FNDC3A: variants seen among roughly 807,000 people sequenced by gnomAD.
FNDC3A encodes fibronectin type-III domain-containing protein 3A.
In FNDC3A, 32 loss-of-function variants were observed where a neutral mutation model predicts 148.9. The observed-to-expected ratio is 0.21, with a 90% CI of 0.16 to 0.29. The LOEUF (loss-of-function observed/expected upper bound fraction) is 0.29. FNDC3A is among the 10% of genes least tolerant of loss of function. The pLI is 1.00. For synonymous variants in FNDC3A, 472 were observed against 473.6 expected (o/e 1.00, Z 0.04); for missense variants, 1,191 against 1,452.8 (o/e 0.82, Z 2.93).
chr13:49,084,089 T>A (rs958800278), intron 3 of FNDC3A, among the ~76,000 whole-genome samples: 2 of 152,214 alleles, frequency 1.3e-5, no homozygotes, highest in Non-Finnish European at 2.9e-5. Flanking sequence ...ACTAGTTAAT[T>A]TATTAATACC....
intron 1 of FNDC3A, among the ~76,000 whole-genome samples, chr13:48,997,105 T>G (rs769474032): frequency 6.6e-6 from 1 of 151,696 alleles, no homozygotes; most frequent in Non-Finnish European, 1.5e-5. Context: ...TCAATCTAAA[T>G]GTACATATTT....
chr13:49,185,448 C>A (rs1048519518), intron 14 of FNDC3A, among the ~76,000 whole-genome samples: 3 of 152,080 alleles, frequency 2.0e-5, no homozygotes, highest in Admixed American at 6.6e-5. Flanking sequence ...CTCCAGGAAC[C>A]CTCAGTTCCT....
intron 14 of FNDC3A, among the ~76,000 whole-genome samples, chr13:49,179,944 C>T (rs547112460): frequency 4.6e-5 from 7 of 152,178 alleles, no homozygotes; most frequent in Non-Finnish European, 5.9e-5. Context: ...GGTTTTACTG[C>T]TCCTGAGCAC....
chr13:49,193,851 C>T (rs1311102934), intron 19 of FNDC3A, among the ~76,000 whole-genome samples: 3 of 151,644 alleles, frequency 2.0e-5, no homozygotes, highest in African/African-American at 4.8e-5. Flanking sequence ...ACCTGGGAGG[C>T]GGAGGTTACA....
chr13:49,105,084 A>AT (rs1208511169), intron 3 of FNDC3A, among the ~76,000 whole-genome samples: 1 of 152,178 alleles, frequency 6.6e-6, no homozygotes, highest in Non-Finnish European at 1.5e-5. Flanking sequence ...TTCCCAATCT[A>AT]TTTTTTAAAA....
chr13:49,139,476 TG>T (rs1199661715), intron 7 of FNDC3A, among the ~76,000 whole-genome samples: 2 of 152,202 alleles, frequency 1.3e-5, no homozygotes, highest in East Asian at 3.8e-4. Flanking sequence ...TTTGTTTTTC[TG>T]AGAAAACAGA....
intron 2 of FNDC3A, among the ~76,000 whole-genome samples, chr13:49,066,433 T>A (rs1335028463): frequency 6.6e-6 from 1 of 152,174 alleles, no homozygotes; most frequent in Non-Finnish European, 1.5e-5. Context: ...AAGAAACACT[T>A]ATTGAAGATA....
intron 3 of FNDC3A, among the ~76,000 whole-genome samples, chr13:49,084,954 G>C (rs1878710783): frequency 6.6e-6 from 1 of 152,086 alleles, no homozygotes; most frequent in Admixed American, 6.6e-5. Context: ...TCCTCTATCT[G>C]ACTTTTCTTT....
At chr13:49,163,795 A>G (rs1187894824) in intron 8 of FNDC3A, among the ~76,000 whole-genome samples, 2 of 152,118 alleles carry the variant, frequency 1.3e-5, no homozygotes, top group Admixed American at 6.5e-5. Flanking sequence ...AGTTTAATCC[A>G]TTTATCTTAA....
intron 16 of FNDC3A, 124 bp from the exon 17 acceptor site, chr13:49,188,391 T>C: frequency 3.0e-6 from 2 of 662,760 alleles, no homozygotes; most frequent in Non-Finnish European, 5.4e-6. Context: ...GAAACAAACC[T>C]AAATTGTTTC....
intron 6 of FNDC3A, among the ~76,000 whole-genome samples, chr13:49,136,856 A>G (rs895080303): frequency 6.6e-6 from 1 of 152,020 alleles, no homozygotes; most frequent in African/African-American, 2.4e-5. Flanking sequence ...TGGGCGTTTG[A>G]TAAGGCTATG....
At chr13:49,164,611 CT>C (rs894690567) in intron 8 of FNDC3A, among the ~76,000 whole-genome samples, 62 of 146,904 alleles carry the variant, frequency 4.2e-4, no homozygotes, top group Middle Eastern at 3.5e-3. Context: ...TATTCTTCTT[CT>C]TTTTTTTTTT....
At chr13:49,119,989 A>G (rs1727012447) in intron 4 of FNDC3A, among the ~76,000 whole-genome samples, 1 of 152,190 alleles carries the variant, frequency 6.6e-6, no homozygotes, top group Non-Finnish European at 1.5e-5. Context: ...AATACAGAGA[A>G]AACCACTAAG....
chr13:49,066,215 A>T (rs971214677), intron 2 of FNDC3A, among the ~76,000 whole-genome samples: 1 of 152,216 alleles, frequency 6.6e-6, no homozygotes, highest in Non-Finnish European at 1.5e-5. Flanking sequence ...TTATTAAAAT[A>T]GTCATTTGGA....
At chr13:49,188,668 T>C (rs536569544) in intron 17 of FNDC3A, 35 bp downstream of exon 17, 9 of 1,455,584 alleles carry the variant, frequency 6.2e-6, no homozygotes, top group Admixed American at 5.1e-5. Context: ...TGTGTTGTTA[T>C]TAAGTTTGGC....
intron 2 of FNDC3A, among the ~76,000 whole-genome samples, chr13:49,068,449 T>G (rs1877417842): frequency 6.6e-6 from 1 of 152,024 alleles, no homozygotes; most frequent in Non-Finnish European, 1.5e-5. Context: ...GCAGAAAATC[T>G]AATAGTGGTG....
chr13:48,995,342 A>G (rs2137575396), intron 1 of FNDC3A, among the ~76,000 whole-genome samples: 1 of 150,146 alleles, frequency 6.7e-6, no homozygotes, highest in South Asian at 2.1e-4. Context: ...TAACAATCTT[A>G]GTTGTAGCCT....
chr13:49,056,659 A>AC (rs1181855296), intron 2 of FNDC3A, among the ~76,000 whole-genome samples: 4 of 152,054 alleles, frequency 2.6e-5, no homozygotes, highest in South Asian at 2.1e-4. Flanking sequence ...TTTCCAGTTC[A>AC]CCTGTTTTCT....
chr13:49,021,409 T>C (rs947139028), intron 2 of FNDC3A, among the ~76,000 whole-genome samples: 1 of 152,226 alleles, frequency 6.6e-6, no homozygotes, highest in African/African-American at 2.4e-5. Flanking sequence ...AGACAAGCCC[T>C]GGGACTGGGT....
Sources: gnomAD v4.1 joint callset for allele counts (sites outside exome capture counted in the v4.1 genomes callset) on GRCh38, gnomAD v4.1.1 for gene constraint, MANE v1.5 for transcripts, NCBI Gene and HGNC (gene_info 2026-07-23, HGNC 2026-07-21) for gene names.